The following KIF1C variants were observed in gnomAD, a reference collection of about 807,000 sequenced individuals.
KIF1C encodes kinesin-like protein KIF1C.
A neutral mutation model predicts 126.5 loss-of-function variants in KIF1C; 61 were observed. The observed-to-expected ratio is 0.48, with a 90% CI of 0.39 to 0.60. The LOEUF (loss-of-function observed/expected upper bound fraction) is 0.60. KIF1C is among the 20% of genes least tolerant of loss of function. KIF1C has a pLI of 0.00. For synonymous variants in KIF1C, 640 were observed against 580.6 expected, an observed-to-expected ratio of 1.10 and a Z score of -1.47; for missense variants, 1,315 against 1,489.2, an observed-to-expected ratio of 0.88 and a Z score of 1.93.
rs1415656220 is a variant in KIF1C, at chr17:5,025,222, G to C, written c.*1071G>C. On this transcript the variant is annotated 3_prime_UTR_variant, in exon 23 of 23. Transcript: ENST00000320785. The stretch of plus-strand genomic sequence containing the variant: ...CCCAGTGTCTCAGTCTGTGCCAGCA[G>C]CACCACTGTCTGTTATGGACAAAGC... The C allele has an allele frequency of 2.0e-5, 3 of 152,326 alleles. No individual in the cohort carries two copies. Among genetic ancestry groups the C allele is most frequent in the African/African-American group, 7.2e-5 (3 of 41,446 alleles). The allele number at this position is 152,326 out of a possible 1,614,324, so 9.4% of individuals were successfully genotyped here.
intron 18 of KIF1C, among the ~76,000 whole-genome samples, chr17:5,015,608 T>TTTTA (rs1974956015): frequency 7.1e-6 from 1 of 140,706 alleles, no homozygotes; most frequent in Non-Finnish European, 1.5e-5. Context: ...TTTTTTTTTT[T>TTTTA]ATCATTTGAG....
intron 8 of KIF1C, among the ~76,000 whole-genome samples, chr17:5,003,170 G>A (rs866832586): frequency 2.0e-5 from 3 of 151,768 alleles, no homozygotes; most frequent in African/African-American, 7.3e-5. Flanking sequence ...TCAGCCTCCC[G>A]AGTACCTGGG....
rs201085674 is a variant in KIF1C at position 5,001,261 on chromosome 17, C to G, written c.223C>G (p.Arg75Gly). ...GTTTGCATCTCAGCAGCAAGTGTATCGGGACATTGGAGAAGAGATGCTGCT... is the reference window on the plus strand; with the variant it reads ...GTTTGCATCTCAGCAGCAAGTGTATGGGGACATTGGAGAAGAGATGCTGCT... ...PQFASQQQVY[R>G]DIGEEMLLHA... The change falls in exon 5 of 23, where the codon CGG becomes GGG. Residue 75 changes from arginine (R) to glycine (G), a missense_variant. By Grantham distance (125) the Arg-to-Gly change is moderately radical (BLOSUM62 -2). Coordinates refer to ENST00000320785, the MANE Select transcript of KIF1C (RefSeq NM_006612.6). 1.9e-6 allele frequency: 3 copies of G among 1,613,998 alleles called. No individual in the cohort carries two copies. Among genetic ancestry groups the G allele is most frequent in the Non-Finnish European group, 2.5e-6 (3 of 1,179,998 alleles).
Position 5,021,169 on chromosome 17 carries a change from G to GTTTTT in KIF1C, c.2010+310_2010+314dup, listed in dbSNP as rs765920431. Among the ~76,000 whole-genome samples, 90 of 77,390 alleles carry GTTTTT rather than the reference G, an allele frequency of 1.2e-3. 2 individuals are homozygous for GTTTTT. Among genetic ancestry groups the GTTTTT allele is most frequent in the African/African-American group, 2.6e-3 (51 of 19,580 alleles). The allele number at this position is 77,390 out of a possible 152,430, so 50.8% of individuals were successfully genotyped here. A position where few individuals can be genotyped will look rare whatever the true frequency, so the allele number is the denominator to read the frequency against. ...CTGTGTTGGTATTAAGATTGTTGTG[G>GTTTTT]TTTTTTTTTTTTTTTTTTTTTTTGG... On this transcript the variant is annotated intron_variant, in intron 21 of 22. Transcript: ENST00000320785.
intron 6 of KIF1C, 87 bp from the exon 7 acceptor site, chr17:5,002,377 C>T: frequency 2.3e-6 from 3 of 1,304,042 alleles, no homozygotes; most frequent in Non-Finnish European, 3.2e-6. Context: ...CTGCAGTCAC[C>T]TGGATCGTGT....
intron 12 of KIF1C, 88 bp from the exon 13 acceptor site, chr17:5,004,767 T>C: frequency 6.2e-7 from 1 of 1,602,948 alleles, no homozygotes; most frequent in Non-Finnish European, 8.5e-7. Flanking sequence ...CCACAATATC[T>C]TGAGACCTGG....
chr17:4,998,731 C>G (rs1974469933), intron 1 of KIF1C, among the ~76,000 whole-genome samples: 1 of 152,216 alleles, frequency 6.6e-6, no homozygotes, highest in Non-Finnish European at 1.5e-5. Context: ...CCCTCCCATG[C>G]TCTGCCCAGG....
At position 5,002,508 on chromosome 17, in the gene KIF1C, G is replaced by A. The variant is rs1381922455; in HGVS notation, c.474G>A (p.Leu158=). Reference sequence around the variant, plus strand: ...ACTGTGAGCGGGTACGAGACCTCTTGAACCCCAAGAGTCGGGGTTCTCTGC... The same window carrying A: ...ACTGTGAGCGGGTACGAGACCTCTTAAACCCCAAGAGTCGGGGTTCTCTGC... The part of the protein sequence containing the change: ...EIYCERVRDL[L]NPKSRGSLRV... Residue 158 remains leucine (L), a synonymous_variant, in exon 7 of 23, where the codon TTG becomes TTA. Transcript: ENST00000320785. 1.2e-6 allele frequency: 2 copies of A among 1,612,738 alleles called. No homozygotes were observed. The highest frequency in any genetic ancestry group is 2.7e-5 in the African/African-American group (2 of 74,866).
At position 5,018,855 on chromosome 17, in the gene KIF1C, A is replaced by C. The variant is rs532181394; in HGVS notation, c.1667-1141A>C. Among the ~76,000 whole-genome samples the C allele has an allele frequency of 3.3e-5, 5 of 152,228 alleles. 1 individual carries two copies. Among genetic ancestry groups the C allele is most frequent in the African/African-American group, 1.2e-4 (5 of 41,532 alleles). On this transcript the variant is annotated intron_variant, in intron 18 of 22. Transcript: ENST00000320785. ...CCAATGTATTTCTGAGACCTAGTAA[A>C]ATAGTGTTTGGAAGATAGTAGGAGT...
At position 5,004,000 on chromosome 17, in the gene KIF1C, A is replaced by G; in HGVS notation, c.867A>G (p.Gln289=). The G allele has an allele frequency of 6.2e-7, 1 of 1,614,010 alleles. No individual in the cohort carries two copies. The highest frequency in any genetic ancestry group is 8.5e-7 in the Non-Finnish European group (1 of 1,179,930). Residue 289 remains glutamine, a splice_region_variant and synonymous_variant, in exon 11 of 23, where the codon CAA becomes CAG. Transcript: ENST00000320785. ...GKVISALADM[Q]SKKRKSDFIP... is the part of the protein sequence containing the mutation. ...TCCTTCCTCCTTTTATCCCCCAGCA[A>G]TCAAAGAAGCGAAAGTCGGATTTTA...
At chr17:5,006,814 C>A in intron 13 of KIF1C, 101 bp from the exon 14 acceptor site, 2 of 1,222,152 alleles carry the variant, frequency 1.6e-6, no homozygotes, top group South Asian at 1.3e-5. Flanking sequence ...CTTCTGTAGT[C>A]CTTACAGACT....
Position 5,001,220 on chromosome 17 carries a change from A to T in KIF1C, c.184-2A>T. ...TTTTTCTCTGCCCCCACTTTCTCCT[A>T]GACGGAGGACCCCCAGTTTGCATCT... On this transcript the variant is annotated splice_acceptor_variant, in intron 4 of 22. Transcript: ENST00000320785. LOFTEE classifies it high-confidence loss of function. The T allele has an allele frequency of 6.2e-7, 1 of 1,613,978 alleles. No individual in the cohort carries two copies. Among genetic ancestry groups the T allele is most frequent in the Non-Finnish European group, 8.5e-7 (1 of 1,179,916 alleles).
chr17:5,007,194 G>A, intron 14 of KIF1C, 69 bp from the exon 15 acceptor site: 1 of 1,571,030 alleles, frequency 6.4e-7, no homozygotes, highest in South Asian at 1.1e-5. Context: ...TGGCCCCAGG[G>A]TAGGTTGTCC....
chr17:5,013,410 G>A (rs1327083113), intron 16 of KIF1C, among the ~76,000 whole-genome samples: 1 of 152,132 alleles, frequency 6.6e-6, no homozygotes, highest in Non-Finnish European at 1.5e-5. Context: ...GGCCCCTTGT[G>A]TGAGGAGAGG....
rs747862350 is a variant in KIF1C, at chr17:5,022,403, G to T, written c.2322G>T (p.Leu774=). ...ACGGGCGGGCTGAGATTGAGGCCCT[G>T]GCCGCCCTCAAGATGCGGGAGCTGT... ...FRHGRAEIEA[L]AALKMRELCR... The change falls in exon 22 of 23, where the codon CTG becomes CTT. Residue 774 remains leucine, a synonymous_variant. Transcript: ENST00000320785. The surrounding 1 kb of genome is among the most constrained non-coding windows in gnomAD (Gnocchi z 4.9). The T allele has an allele frequency of 9.5e-6, 15 of 1,579,306 alleles. No homozygotes were observed. The South Asian group carries it at 1.7e-4, about 18-fold the overall frequency.
rs753704833 is a variant in KIF1C at position 5,007,341 on chromosome 17, A to C, written c.1414A>C (p.Arg472=). 4.3e-6 allele frequency: 7 copies of C among 1,613,404 alleles called. No homozygotes were observed. The highest frequency in any genetic ancestry group is 5.9e-6 in the Non-Finnish European group (7 of 1,179,686). ...CAAGACAGAAGCCCTGAGGATGGAGAGGTGTGAGGGCCGACAGTTGGGGTC... is the reference window on the plus strand; with the variant it reads ...CAAGACAGAAGCCCTGAGGATGGAGCGGTGTGAGGGCCGACAGTTGGGGTC... ...LRKTEALRME[R]EALLAEMGVA... Residue 472 remains arginine, a splice_region_variant and synonymous_variant, in exon 15 of 23, where the codon AGA becomes CGA. Coordinates refer to ENST00000320785, the MANE Select transcript of KIF1C (RefSeq NM_006612.6).
rs753056263 is a variant in KIF1C, at chr17:5,023,454, C to T, written c.2629-14C>T. 1.2e-6 allele frequency: 2 copies of T among 1,610,220 alleles called. No homozygotes were observed. The highest frequency in any genetic ancestry group is 1.7e-5 in the Admixed American group (1 of 59,884). Reference sequence around the variant, plus strand: ...CCTCACATCCCTTCTCCTTTTCTCACTCCTCCCTCCCAGGATCATGAGGAT... The same window carrying T: ...CCTCACATCCCTTCTCCTTTTCTCATTCCTCCCTCCCAGGATCATGAGGAT... On this transcript the variant is annotated splice_polypyrimidine_tract_variant and intron_variant, in intron 22 of 22. Transcript: ENST00000320785. This position sits in a 1 kb window ranked among gnomAD's most constrained non-coding sequence, Gnocchi z 4.2.
chr17:5,021,276 G>A (rs528587646), intron 21 of KIF1C, among the ~76,000 whole-genome samples: 3 of 145,608 alleles, frequency 2.1e-5, no homozygotes, highest in Non-Finnish European at 3.0e-5. Flanking sequence ...GGGTTCAAGC[G>A]ATTCTCATGC....
chr17:5,009,809 G>A (rs1169389188), intron 16 of KIF1C, among the ~76,000 whole-genome samples: 1 of 150,774 alleles, frequency 6.6e-6, no homozygotes, highest in Non-Finnish European at 1.5e-5. Context: ...AAGAAAAAAT[G>A]TTCTCCTAGA....
Sources: gnomAD v4.1 joint callset for allele counts (sites outside exome capture counted in the v4.1 genomes callset) on GRCh38, gnomAD v4.1.1 for gene constraint, Gnocchi (gnomAD v3.1) non-coding constraint, MANE v1.5 for transcripts, NCBI Gene and HGNC (gene_info 2026-07-23, HGNC 2026-07-21) for gene names.